Variants in LSAMP observed in about 807,000 individuals in gnomAD.
The protein encoded by LSAMP is limbic system-associated membrane protein.
A neutral mutation model predicts 38.6 loss-of-function variants in LSAMP; 7 were observed. That is an observed-to-expected ratio of 0.18 (90% CI 0.10 to 0.34). The LOEUF is 0.34. Among genes scored for constraint, LSAMP ranks in the 10% least tolerant of loss-of-function variants. The probability of loss-of-function intolerance (pLI) is 1.00; values close to 1 mark genes in which losing one functional copy is unlikely to be tolerated. For synonymous variants in LSAMP, 154 were observed against 166.8 expected (o/e 0.92, Z 0.59); for missense variants, 313 against 420.0 (o/e 0.75, Z 2.23).
intron 1 of LSAMP, among the ~76,000 whole-genome samples, chr3:116,402,934 C>T (rs1576196229): frequency 6.6e-6 from 1 of 152,060 alleles, no homozygotes; most frequent in African/African-American, 2.4e-5. Context: ...AGGGAATGCT[C>T]CTCTGGAATC....
At chr3:116,261,171 T>C (rs1450049660) in intron 1 of LSAMP, among the ~76,000 whole-genome samples, 1 of 152,228 alleles carries the variant, frequency 6.6e-6, no homozygotes, top group East Asian at 1.9e-4. Flanking sequence ...CCTTCCTAGT[T>C]ATCACAGTAA....
chr3:116,070,232 G>A (rs1374291386), intron 2 of LSAMP, among the ~76,000 whole-genome samples: 1 of 152,134 alleles, frequency 6.6e-6, no homozygotes, highest in African/African-American at 2.4e-5. Flanking sequence ...CAATAAGATA[G>A]GCAACTGAGT....
chr3:116,239,835 G>A (rs1013673645), intron 1 of LSAMP, among the ~76,000 whole-genome samples: 2 of 152,010 alleles, frequency 1.3e-5, no homozygotes, highest in Non-Finnish European at 2.9e-5. Flanking sequence ...CCACTAATAG[G>A]GGGTAGATCA....
At chr3:115,859,734 A>T (rs1239689723) in intron 3 of LSAMP, among the ~76,000 whole-genome samples, 1 of 152,238 alleles carries the variant, frequency 6.6e-6, no homozygotes, top group African/African-American at 2.4e-5. Context: ...TGGCATCCAG[A>T]GAGATCCAAT....
intron 1 of LSAMP, among the ~76,000 whole-genome samples, chr3:116,110,434 T>C (rs535963688): frequency 7.2e-5 from 11 of 152,138 alleles, no homozygotes; most frequent in Non-Finnish European, 1.0e-4. Flanking sequence ...CTTCCCTGCA[T>C]TGATTAAACA....
intron 3 of LSAMP, among the ~76,000 whole-genome samples, chr3:115,858,228 T>G (rs1935569985): frequency 6.6e-6 from 1 of 151,930 alleles, no homozygotes; most frequent in Non-Finnish European, 1.5e-5. Flanking sequence ...TAAATGTGTG[T>G]GAGCAGCACA....
At chr3:116,288,360 A>C (rs74814292) in intron 1 of LSAMP, among the ~76,000 whole-genome samples, 8,152 of 152,296 alleles carry the variant, frequency 0.054, 275 homozygotes, top group African/African-American at 0.079. Context: ...TGGGTAACAC[A>C]GAACAGTTGT....
chr3:115,988,092 A>G (rs1030147059), intron 3 of LSAMP, among the ~76,000 whole-genome samples: 1 of 152,134 alleles, frequency 6.6e-6, no homozygotes, highest in South Asian at 2.1e-4. Flanking sequence ...GAGAAGACTC[A>G]TCTCATCTAA....
chr3:115,878,679 C>G (rs1936248511), intron 3 of LSAMP, among the ~76,000 whole-genome samples: 1 of 151,854 alleles, frequency 6.6e-6, no homozygotes. Context: ...CCCGGCTGCT[C>G]TAGAACTCCT....
At chr3:116,125,039 TC>T (rs1708976658) in intron 1 of LSAMP, among the ~76,000 whole-genome samples, 1 of 152,130 alleles carries the variant, frequency 6.6e-6, no homozygotes, top group South Asian at 2.1e-4. Flanking sequence ...TACTTGGGGT[TC>T]TTTATTTCCC....
chr3:116,020,285 C>T (rs1392580568), intron 2 of LSAMP, among the ~76,000 whole-genome samples: 1 of 152,182 alleles, frequency 6.6e-6, no homozygotes, highest in East Asian at 1.9e-4. Context: ...ACTATTACTT[C>T]TAGTACTTCC....
rs565684886 is a variant in LSAMP, at chr3:115,838,917, G to C, written c.919+2928C>G. 2.6e-5 allele frequency among the ~76,000 whole-genome samples: 4 copies of C among 152,226 alleles called. No individual in the cohort carries two copies. In the South Asian group the frequency reaches 8.3e-4, roughly 32 times the overall value. On this transcript the variant is annotated intron_variant, in intron 6 of 6. Transcript: ENST00000490035. ...AGATGAATAATCGCCAACTCTTCAG[G>C]GGCTCTGGCTCTGGGTCTCTACCTG...
At chr3:116,079,559 A>C (rs1707827167) in intron 2 of LSAMP, among the ~76,000 whole-genome samples, 1 of 149,446 alleles carries the variant, frequency 6.7e-6, no homozygotes, top group Admixed American at 6.8e-5. Context: ...AGGCTGAGGC[A>C]GGAGAATCAC....
chr3:115,984,494 A>G (rs116733641), intron 3 of LSAMP, among the ~76,000 whole-genome samples: 3,612 of 152,268 alleles, frequency 0.024, 64 homozygotes, highest in Middle Eastern at 0.037. Flanking sequence ...AGTGTGAGGG[A>G]TTTAGCTATG....
intron 3 of LSAMP, among the ~76,000 whole-genome samples, chr3:116,019,157 T>TGG (rs35506484): frequency 2.1e-4 from 21 of 97,772 alleles, no homozygotes; most frequent in East Asian, 1.3e-3. Flanking sequence ...GCATTGTGGG[T>TGG]GGGGGGGGGG....
At chr3:115,883,412 T>TG (rs895871724) in intron 3 of LSAMP, among the ~76,000 whole-genome samples, 4 of 152,098 alleles carry the variant, frequency 2.6e-5, no homozygotes, top group Non-Finnish European at 5.9e-5. Flanking sequence ...GATGCCTTAG[T>TG]GCCAACCTGC....
chr3:116,320,284 A>G (rs1576124949), intron 1 of LSAMP, among the ~76,000 whole-genome samples: 1 of 152,206 alleles, frequency 6.6e-6, no homozygotes, highest in East Asian at 1.9e-4. Context: ...ATGGTGGCGC[A>G]CACCTGTAGT....
At chr3:116,140,777 ATGAGTATC>A (rs1033547556) in intron 1 of LSAMP, among the ~76,000 whole-genome samples, 1 of 151,978 alleles carries the variant, frequency 6.6e-6, no homozygotes. Flanking sequence ...TACAGATAAA[ATGAGTATC>A]TGAGATTCAT....
At position 115,962,043 on chromosome 3, in the gene LSAMP, C is replaced by A. The variant is rs78526846; in HGVS notation, c.514+57472G>T. Among the ~76,000 whole-genome samples the A allele has an allele frequency of 3.8e-3, 580 of 152,286 alleles. 3 individuals are homozygous for A. The highest frequency in any genetic ancestry group is 0.017 in the South Asian group (83 of 4,824). On this transcript the variant is annotated intron_variant, in intron 3 of 6. Coordinates refer to ENST00000490035, the MANE Select transcript of LSAMP (RefSeq NM_002338.5). ...AATGACCAGCAAAGGCACTGGCCTGCACATTTTCTTGACCCAGCAAAGTGG... is the reference window on the plus strand; with the variant it reads ...AATGACCAGCAAAGGCACTGGCCTGAACATTTTCTTGACCCAGCAAAGTGG...
Sources: gnomAD v4.1 joint callset for allele counts (sites outside exome capture counted in the v4.1 genomes callset) on GRCh38, gnomAD v4.1.1 for gene constraint, MANE v1.5 for transcripts, NCBI Gene and HGNC (gene_info 2026-07-23, HGNC 2026-07-21) for gene names.